The following JAG1 variants were observed in gnomAD, a reference collection of about 807,000 sequenced individuals.
JAG1 encodes jagged canonical Notch ligand 1.
Under a neutral mutation model 148.7 loss-of-function variants are expected in JAG1, and 23 were observed. The observed-to-expected ratio is 0.15, with a 90% CI of 0.11 to 0.22. JAG1 has a LOEUF of 0.22. Ranked by LOEUF, JAG1 falls within the 10% of genes least tolerant of loss-of-function variation. The pLI is 1.00. For synonymous variants in JAG1, 572 were observed against 598.3 expected (o/e 0.96, Z 0.64); for missense variants, 1,054 against 1,611.2 (o/e 0.65, Z 5.92).
chr20:10,645,753 G>T lies in JAG1; in HGVS notation c.1999+218C>A. ...TGCAAGCAGGAATATTTATTACACA[G>T]TCTAATTCTATAGGTCCTCAGCAGA... On this transcript the variant is annotated intron_variant, in intron 15 of 25. Transcript: ENST00000254958. The surrounding 1 kb of genome is among the most constrained non-coding windows in gnomAD (Gnocchi z 6.1). The T allele has an allele frequency of 1.6e-6, 1 of 622,330 alleles. No homozygotes were observed. The allele number at this position is 622,330 out of a possible 1,614,324, so 38.6% of individuals were successfully genotyped here. A position where few individuals can be genotyped will look rare whatever the true frequency, so the allele number is the denominator to read the frequency against.
Position 10,645,982 on chromosome 20 carries a change from T to G in JAG1, c.1988A>C (p.Tyr663Ser), listed in dbSNP as rs2067305944. 1 of 1,610,036 alleles carries G rather than the reference T, an allele frequency of 6.2e-7. No individual in the cohort carries two copies. Among genetic ancestry groups the G allele is most frequent in the Non-Finnish European group, 8.5e-7 (1 of 1,176,572 alleles). Residue 663 changes from tyrosine (Y) to serine (S), a missense_variant, in exon 15 of 26, where the codon TAC becomes TCC. Physicochemically the swap from Tyr to Ser is moderately radical, Grantham distance 144. Coordinates refer to ENST00000254958, the MANE Select transcript of JAG1 (RefSeq NM_000214.3). The surrounding 1 kb of genome is among the most constrained non-coding windows in gnomAD (Gnocchi z 6.1). ...CICSDGWEGA[Y>S]CETNINDCSQ... ...AGTGGCAGACTCACTGGTTTCACAG[T>G]AGGCCCCCTCCCAGCCGTCACTACA...
In JAG1 at chr20:10,639,388, T is replaced by G; in HGVS notation, c.*110A>C. ...TAAGCCAGCTTGTCAAAACTTAAATTAACACAGGGATTCTAAGTCAGCAAC... is the reference window on the plus strand; with the variant it reads ...TAAGCCAGCTTGTCAAAACTTAAATGAACACAGGGATTCTAAGTCAGCAAC... On this transcript the variant is annotated 3_prime_UTR_variant, in exon 26 of 26. Coordinates refer to ENST00000254958, the MANE Select transcript of JAG1 (RefSeq NM_000214.3). The G allele has an allele frequency of 9.6e-7, 1 of 1,038,424 alleles. No individual in the cohort carries two copies. Among genetic ancestry groups the G allele is most frequent in the South Asian group, 1.3e-5 (1 of 78,910 alleles). The allele number at this position is 1,038,424 out of a possible 1,614,324, so 64.3% of individuals were successfully genotyped here. A position where few individuals can be genotyped will look rare whatever the true frequency, so the allele number is the denominator to read the frequency against.
At position 10,642,510 on chromosome 20, in the gene JAG1, G is replaced by A. The variant is rs777696420; in HGVS notation, c.2550C>T (p.His850=). The change falls in exon 21 of 26, where the codon CAC becomes CAT. Residue 850 remains histidine (H), a synonymous_variant. Transcript: ENST00000254958. ...NGYRCVCPPG[H]SGAKCQEVSG... is the part of the protein sequence containing the mutation. ...TACCTTCCTGGCACTTGGCACCACT[G>A]TGCCCTGGAGGGCAGACACACCGGT... The A allele has an allele frequency of 6.2e-5, 100 of 1,610,104 alleles. No individual in the cohort carries two copies. Among genetic ancestry groups the A allele is most frequent in the Non-Finnish European group, 8.2e-5 (96 of 1,176,478 alleles).
At chr20:10,660,298 C>T (rs1053766541) in intron 3 of JAG1, among the ~76,000 whole-genome samples, 1 of 133,654 alleles carries the variant, frequency 7.5e-6, no homozygotes, top group African/African-American at 2.9e-5. Context: ...CCTGACACCC[C>T]GGCACGCACT....
Position 10,652,638 on chromosome 20 carries a change from C to A in JAG1, c.756-40G>T, listed in dbSNP as rs551609185. On this transcript the variant is annotated intron_variant, in intron 5 of 25. Transcript: ENST00000254958. ...CACACCTCCAGGTTAGCCTTTTGAA[C>A]GTTAAGAGACACCTGTACAATTCAA... 84 of 1,609,506 alleles carry A rather than the reference C, an allele frequency of 5.2e-5. 2 individuals are homozygous for A. The South Asian group carries it at 8.8e-4, about 17-fold the overall frequency.
At chr20:10,663,046 G>C (rs1017481033) in intron 3 of JAG1, among the ~76,000 whole-genome samples, 1 of 151,730 alleles carries the variant, frequency 6.6e-6, no homozygotes, top group African/African-American at 2.4e-5. Flanking sequence ...AAAAAAGCAA[G>C]GCAAGGAAAG....
At chr20:10,660,866 C>T (rs553728134) in intron 3 of JAG1, among the ~76,000 whole-genome samples, 3 of 152,080 alleles carry the variant, frequency 2.0e-5, no homozygotes, top group Non-Finnish European at 4.4e-5. Flanking sequence ...CCCAGTGCCA[C>T]GAAGATGAGT....
intron 20 of JAG1, 96 bp from the exon 21 acceptor site, chr20:10,642,697 CA>C (rs2067281573): frequency 2.5e-6 from 2 of 785,130 alleles, no homozygotes; most frequent in Admixed American, 3.9e-5. Flanking sequence ...AGCATATCAT[CA>C]TAAGCTTGAT....
intron 18 of JAG1, 57 bp from the exon 19 acceptor site, chr20:10,644,441 C>T (rs949604576): frequency 7.0e-7 from 1 of 1,429,374 alleles, no homozygotes; most frequent in Non-Finnish European, 9.9e-7. Context: ...CGGTCTTAGC[C>T]CTAAGTAAAA....
In JAG1 at chr20:10,652,606, C is replaced by G; in HGVS notation, c.756-8G>C. On this transcript the variant is annotated splice_region_variant and splice_polypyrimidine_tract_variant and intron_variant, in intron 5 of 25. Transcript: ENST00000254958. Reference sequence around the variant, plus strand: ...TGCCAGCCGTACTGGCACCTGGAGACACACAGCACACCTCCAGGTTAGCCT... The same window carrying G: ...TGCCAGCCGTACTGGCACCTGGAGAGACACAGCACACCTCCAGGTTAGCCT... 1 of 1,613,742 alleles carries G rather than the reference C, an allele frequency of 6.2e-7. No individual in the cohort carries two copies. Among genetic ancestry groups the G allele is most frequent in the Non-Finnish European group, 8.5e-7 (1 of 1,179,822 alleles).
At chr20:10,670,321 G>T (rs1004496388) in intron 2 of JAG1, among the ~76,000 whole-genome samples, 3 of 152,194 alleles carry the variant, frequency 2.0e-5, no homozygotes, top group East Asian at 3.8e-4. Context: ...CATGCAAATG[G>T]TAATTGTGCC....
chr20:10,672,530 G>T (rs1452774606), intron 2 of JAG1, among the ~76,000 whole-genome samples, 171 bp downstream of exon 2: 2 of 152,050 alleles, frequency 1.3e-5, no homozygotes, highest in Non-Finnish European at 2.9e-5. Context: ...TACCCCAGCC[G>T]AGATCTAACT....
At chr20:10,651,467 C>A in intron 8 of JAG1, 114 bp downstream of exon 8, 1 of 699,786 alleles carries the variant, frequency 1.4e-6, no homozygotes, top group Non-Finnish European at 2.5e-6. Context: ...TAGGCCTGCA[C>A]CCGCCCCTCT....
At chr20:10,644,795 C>G in intron 18 of JAG1, 68 bp downstream of exon 18, 1 of 1,117,070 alleles carries the variant, frequency 9.0e-7, no homozygotes. Flanking sequence ...GTTTCCATTG[C>G]AAGTCCCCAA....
intron 6 of JAG1, 91 bp downstream of exon 6, chr20:10,652,377 G>A (rs920098229): frequency 3.8e-5 from 60 of 1,597,092 alleles, no homozygotes; most frequent in Non-Finnish European, 5.1e-5. Context: ...GGAGAATTCA[G>A]AATAAAAGCC....
chr20:10,670,858 C>A (rs1317234534), intron 2 of JAG1, among the ~76,000 whole-genome samples: 1 of 152,218 alleles, frequency 6.6e-6, no homozygotes, highest in Non-Finnish European at 1.5e-5. Flanking sequence ...GCAAATCAAT[C>A]GCCTCTCCTA....
chr20:10,661,892 A>G (rs544956478), intron 3 of JAG1, among the ~76,000 whole-genome samples: 4 of 152,290 alleles, frequency 2.6e-5, no homozygotes, highest in South Asian at 2.1e-4. Flanking sequence ...TGGACTAGGT[A>G]TGGATGCTAA....
chr20:10,640,275 T>C (rs902902516), intron 25 of JAG1, among the ~76,000 whole-genome samples: 25 of 151,988 alleles, frequency 1.6e-4, no homozygotes, highest in African/African-American at 5.8e-4. Context: ...AGTACAGGAG[T>C]TGGTTTTCAG....
intron 24 of JAG1, 61 bp downstream of exon 24, chr20:10,641,052 C>CCGA (rs1211258989): frequency 6.2e-7 from 1 of 1,612,902 alleles, no homozygotes; most frequent in Non-Finnish European, 8.5e-7. Flanking sequence ...TCCATTCAGA[C>CCGA]ACTGGTTAAC....
Sources: allele counts gnomAD v4.1 joint callset (sites outside exome capture counted in the v4.1 genomes callset), GRCh38; gene constraint gnomAD v4.1.1; non-coding constraint Gnocchi (gnomAD v3.1); transcripts MANE v1.5; gene names NCBI Gene and HGNC (gene_info 2026-07-23, HGNC 2026-07-21).